The following MOB4 variants were observed in gnomAD, a reference collection of about 807,000 sequenced individuals.
MOB4 encodes MOB-like protein phocein.
A neutral mutation model predicts 32.2 loss-of-function variants in MOB4; 4 were observed. The ratio of observed to expected loss-of-function variants is 0.12; its 90% confidence interval spans 0.06 to 0.28. MOB4 has a LOEUF of 0.28. Ranked by LOEUF, MOB4 falls within the 10% of genes least tolerant of loss-of-function variation. The pLI, the probability that MOB4 is intolerant of heterozygous loss-of-function variation, is 1.00. For synonymous variants in MOB4, 88 were observed against 88.1 expected (o/e 1.00, Z 0.01); for missense variants, 158 against 271.2 (o/e 0.58, Z 2.93).
chr2:197,516,021 C>T (rs368139569), upstream of MOB4: 8 of 1,501,186 alleles, frequency 5.3e-6, no homozygotes, highest in Non-Finnish European at 6.3e-6. Context: ...CGCTCTGCCC[C>T]GCCCCCCGCG....
intron 5 of MOB4, among the ~76,000 whole-genome samples, chr2:197,543,405 A>T (rs575858937): frequency 6.6e-6 from 1 of 151,456 alleles, no homozygotes; most frequent in East Asian, 2.0e-4. Context: ...CGTTATTGTT[A>T]TGCTGATTAA....
intron 6 of MOB4, among the ~76,000 whole-genome samples, chr2:197,548,982 A>C (rs2087047316): frequency 6.6e-6 from 1 of 152,072 alleles, no homozygotes; most frequent in Non-Finnish European, 1.5e-5. Context: ...TAATCCCAGC[A>C]CTTTGGGAGG....
intron 2 of MOB4, among the ~76,000 whole-genome samples, chr2:197,531,779 G>A (rs920210448): frequency 1.1e-4 from 16 of 150,966 alleles, no homozygotes; most frequent in African/African-American, 1.9e-4. Context: ...TCCTGACCTC[G>A]TGATCCACCT....
intron 6 of MOB4, among the ~76,000 whole-genome samples, chr2:197,549,386 T>C (rs1212612058): frequency 6.6e-6 from 1 of 152,108 alleles, no homozygotes; most frequent in African/African-American, 2.4e-5. Flanking sequence ...GTGGATAGAT[T>C]TGGAGATTTC....
Position 197,540,146 on chromosome 2 carries a change from A to G in MOB4, c.260A>G (p.Lys87Arg). The G allele has an allele frequency of 6.2e-7, 1 of 1,605,454 alleles. No individual in the cohort carries two copies. Among genetic ancestry groups the G allele is most frequent in the Non-Finnish European group, 8.5e-7 (1 of 1,175,674 alleles). The change falls in exon 4 of 8, where the codon AAA (lysine) becomes AGA (arginine). Residue 87 changes from lysine to arginine, a missense_variant. Physicochemically the swap from Lys to Arg is conservative, Grantham distance 26. Transcript: ENST00000323303. ...CTTGAGCTAAATGGACTTGCTGTCA[A>G]ACTTCAGGTAATATTTTCTTTAAGT... ...FCLELNGLAV[K>R]LQSECHPDTC...
intron 2 of MOB4, among the ~76,000 whole-genome samples, chr2:197,530,797 T>C (rs1031900907): frequency 7.9e-5 from 12 of 152,006 alleles, no homozygotes; most frequent in Admixed American, 5.9e-4. Flanking sequence ...TGGGCTCTTA[T>C]TGTGTTGCCC....
intron 5 of MOB4, among the ~76,000 whole-genome samples, chr2:197,547,523 T>C (rs2087018250): frequency 1.3e-5 from 2 of 152,254 alleles, no homozygotes; most frequent in African/African-American, 4.8e-5. Context: ...AATACTTCTT[T>C]TTTATTAGGT....
chr2:197,522,577 C>T (rs1013067170), intron 1 of MOB4, among the ~76,000 whole-genome samples: 8 of 151,728 alleles, frequency 5.3e-5, no homozygotes, highest in African/African-American at 1.5e-4. Context: ...GTGATCCTTC[C>T]GCCTCGGCCT....
chr2:197,535,488 G>T (rs1225342939), intron 2 of MOB4, 42 bp from the exon 3 acceptor site: 2 of 1,535,314 alleles, frequency 1.3e-6, no homozygotes, highest in African/African-American at 1.4e-5. Context: ...GATTTACCAG[G>T]TGATATAATT....
intron 7 of MOB4, 42 bp from the exon 8 acceptor site, chr2:197,550,473 G>A (rs1427370554): frequency 1.9e-6 from 3 of 1,578,524 alleles, no homozygotes; most frequent in Non-Finnish European, 2.6e-6. Flanking sequence ...TTTTAGTTTG[G>A]GATAGTGAAT....
intron 2 of MOB4, among the ~76,000 whole-genome samples, chr2:197,531,051 T>TA (rs1473977965): frequency 1.4e-5 from 2 of 141,664 alleles, no homozygotes; most frequent in African/African-American, 5.8e-5. Context: ...ATTTTTATTT[T>TA]TATTTTTTTT....
At chr2:197,548,286 C>G in intron 5 of MOB4, 50 bp from the exon 6 acceptor site, 1 of 1,517,122 alleles carries the variant, frequency 6.6e-7, no homozygotes, top group Middle Eastern at 1.7e-4. Flanking sequence ...ATATATCTAA[C>G]TTAAGAGAGA....
At chr2:197,542,854 A>C (rs954622453) in intron 5 of MOB4, among the ~76,000 whole-genome samples, 9 of 152,202 alleles carry the variant, frequency 5.9e-5, no homozygotes, top group Admixed American at 5.9e-4. Flanking sequence ...AAGGCAGCTA[A>C]AAACAATGCA....
intron 3 of MOB4, among the ~76,000 whole-genome samples, chr2:197,536,478 T>C (rs1299249398): frequency 1.3e-5 from 2 of 152,136 alleles, no homozygotes; most frequent in Non-Finnish European, 2.9e-5. Flanking sequence ...GTGCTGGGAT[T>C]ACCACCATGC....
chr2:197,519,059 A>G (rs1022026955), intron 1 of MOB4, among the ~76,000 whole-genome samples: 4 of 150,802 alleles, frequency 2.7e-5, no homozygotes, highest in Admixed American at 2.0e-4. Flanking sequence ...CGCCCAGCCA[A>G]TTTTTTTTGT....
intron 1 of MOB4, 152 bp downstream of exon 1, chr2:197,516,298 C>T: frequency 7.0e-7 from 1 of 1,438,014 alleles, no homozygotes; most frequent in Non-Finnish European, 9.1e-7. Context: ...GCTGCAGCCC[C>T]TCAATTTGGC....
chr2:197,543,306 A>C (rs921368664), intron 5 of MOB4, among the ~76,000 whole-genome samples: 4 of 152,324 alleles, frequency 2.6e-5, no homozygotes, highest in Non-Finnish European at 5.9e-5. Flanking sequence ...AAAAAGATTC[A>C]GAAATGGCCA....
intron 2 of MOB4, among the ~76,000 whole-genome samples, chr2:197,524,975 CTGA>C (rs1269730267): frequency 1.3e-5 from 2 of 152,050 alleles, no homozygotes; most frequent in African/African-American, 2.4e-5. Flanking sequence ...GTTGCCCTGG[CTGA>C]TGATAACATT....
intron 5 of MOB4, 94 bp from the exon 6 acceptor site, chr2:197,548,242 C>T: frequency 9.8e-7 from 1 of 1,021,044 alleles, no homozygotes; most frequent in Non-Finnish European, 1.4e-6. Flanking sequence ...AGAACATGCT[C>T]ATGTCTTTGG....
Sources: allele counts gnomAD v4.1 joint callset (sites outside exome capture counted in the v4.1 genomes callset), GRCh38; gene constraint gnomAD v4.1.1; transcripts MANE v1.5; gene names NCBI Gene and HGNC (gene_info 2026-07-23, HGNC 2026-07-21).